The following TIAM2 variants were observed in gnomAD, a reference collection of about 807,000 sequenced individuals.
The protein encoded by TIAM2 is rho guanine nucleotide exchange factor TIAM2.
Under a neutral mutation model 152.9 loss-of-function variants are expected in TIAM2, and 80 were observed. The observed-to-expected ratio is 0.52, with a 90% CI of 0.44 to 0.63. The LOEUF (loss-of-function observed/expected upper bound fraction) is 0.63. Among genes scored for constraint, TIAM2 ranks in the 30% least tolerant of loss-of-function variants. The pLI is 0.00. For synonymous variants in TIAM2, 804 were observed against 838.0 expected (o/e 0.96, Z 0.70); for missense variants, 1,965 against 2,120.1 (o/e 0.93, Z 1.44).
chr6:155,138,498 C>G (rs1336786726), intron 5 of TIAM2, among the ~76,000 whole-genome samples: 1 of 151,108 alleles, frequency 6.6e-6, no homozygotes, highest in East Asian at 2.0e-4. Flanking sequence ...AGGTTTGTTA[C>G]ATAGGTATAT....
intron 1 of TIAM2, among the ~76,000 whole-genome samples, chr6:155,021,833 G>A (rs980770396): frequency 1.2e-4 from 18 of 152,124 alleles, no homozygotes; most frequent in East Asian, 1.9e-4. Flanking sequence ...CATGTGAGAC[G>A]CAGTCTGGTC....
chr6:155,075,932 T>G (rs1777947294), intron 1 of TIAM2, among the ~76,000 whole-genome samples: 2 of 152,152 alleles, frequency 1.3e-5, no homozygotes, highest in African/African-American at 4.8e-5. Context: ...ATCAATACAC[T>G]GAAAAAATAA....
At chr6:155,222,472 G>A (rs891086921) in intron 15 of TIAM2, among the ~76,000 whole-genome samples, 1 of 151,772 alleles carries the variant, frequency 6.6e-6, no homozygotes, top group African/African-American at 2.4e-5. Flanking sequence ...ATTGTGGCTC[G>A]TTCCTGTAAT....
intron 1 of TIAM2, among the ~76,000 whole-genome samples, chr6:155,062,462 T>A (rs1777604743): frequency 6.6e-6 from 1 of 152,110 alleles, no homozygotes; most frequent in Admixed American, 6.6e-5. Context: ...CATCTGTTGC[T>A]CCATATCCTC....
rs1338340094 is a variant in TIAM2 at position 155,214,892 on chromosome 6, C to T, written c.3168+3585C>T. 5.9e-5 allele frequency among the ~76,000 whole-genome samples: 9 copies of T among 152,274 alleles called. No homozygotes were observed. The highest frequency in any genetic ancestry group is 3.3e-4 in the Admixed American group (5 of 15,308). ...CTGGGCTCAAGAGATCCTACTGCCC[C>T]GGCCTCCTGAAGTACTGGAATTACA... On this transcript the variant is annotated intron_variant, in intron 15 of 26. Transcript: ENST00000682666. This position sits in a 1 kb window ranked among gnomAD's most constrained non-coding sequence, Gnocchi z 5.4.
chr6:155,227,118 A>C (rs767479067), intron 15 of TIAM2, among the ~76,000 whole-genome samples: 5 of 152,232 alleles, frequency 3.3e-5, no homozygotes, highest in Non-Finnish European at 5.9e-5. Flanking sequence ...AAGTGAAAAG[A>C]TACTTGGACC....
At chr6:155,005,332 GT>G (rs1485347914) in intron 1 of TIAM2, 1 of 177,878 alleles carries the variant, frequency 5.6e-6, no homozygotes, top group Non-Finnish European at 1.2e-5. Context: ...TTTTGTTTTT[GT>G]TTTTGTTTTT....
At chr6:155,061,599 A>C (rs1777580553) in intron 1 of TIAM2, among the ~76,000 whole-genome samples, 1 of 152,170 alleles carries the variant, frequency 6.6e-6, no homozygotes, top group African/African-American at 2.4e-5. Context: ...TGATGCAATA[A>C]ATTTACCGTC....
chr6:155,094,427 A>C (rs1428411978), intron 2 of TIAM2, among the ~76,000 whole-genome samples: 1 of 152,226 alleles, frequency 6.6e-6, no homozygotes, highest in Non-Finnish European at 1.5e-5. Flanking sequence ...TTCAAGAAAA[A>C]AATAGAAGAG....
At chr6:155,029,672 TACAG>T (rs1776782304) in intron 1 of TIAM2, among the ~76,000 whole-genome samples, 1 of 132,412 alleles carries the variant, frequency 7.6e-6, no homozygotes, top group African/African-American at 2.8e-5. Flanking sequence ...TATAACTATA[TACAG>T]AGTTATATAA....
intron 15 of TIAM2, among the ~76,000 whole-genome samples, chr6:155,229,236 C>A (rs1431449300): frequency 6.6e-6 from 1 of 152,200 alleles, no homozygotes; most frequent in African/African-American, 2.4e-5. Flanking sequence ...CAGAGCCTGG[C>A]AGACAGGAGG....
chr6:155,064,995 T>C (rs1026978), intron 1 of TIAM2, among the ~76,000 whole-genome samples: 62,805 of 151,808 alleles, frequency 0.41, 13,261 homozygotes, highest in Middle Eastern at 0.49. Flanking sequence ...TGCTTTTGTC[T>C]CCCAGGCTGG....
intron 15 of TIAM2, among the ~76,000 whole-genome samples, chr6:155,231,538 G>A (rs911324626): frequency 1.3e-5 from 2 of 152,170 alleles, no homozygotes; most frequent in Non-Finnish European, 2.9e-5. Flanking sequence ...AGGGGCTGAC[G>A]TGCTGCCCTT....
At chr6:154,997,123 C>T (rs1368004992) in intron 1 of TIAM2, among the ~76,000 whole-genome samples, 1 of 152,188 alleles carries the variant, frequency 6.6e-6, no homozygotes, top group Non-Finnish European at 1.5e-5. Flanking sequence ...CACCAAGCTA[C>T]TCAGAAGTTG....
rs779505366 is a variant in TIAM2, at chr6:155,248,028, T to C, written c.3681T>C (p.Phe1227=). The C allele has an allele frequency of 4.3e-6, 7 of 1,614,204 alleles. No homozygotes were observed. The highest frequency in any genetic ancestry group is 4.5e-5 in the East Asian group (2 of 44,888). Residue 1227 remains phenylalanine (F), a synonymous_variant, in exon 20 of 27, where the codon TTT becomes TTC. Transcript: ENST00000682666. The part of the protein sequence containing the change: ...RAKTDKAFKA[F]LDARNPTKQH... ...AAACTGACAAAGCCTTCAAGGCTTT[T>C]CTGGACGCCCGGAACCCCACCAAGC...
chr6:155,068,609 C>A (rs6933812), intron 1 of TIAM2, among the ~76,000 whole-genome samples: 31,846 of 150,290 alleles, frequency 0.21, 5,350 homozygotes, highest in African/African-American at 0.45. Flanking sequence ...CCCGCCCCCC[C>A]ATCACGTCTG....
At chr6:155,232,253 C>T (rs1393874122) in intron 15 of TIAM2, among the ~76,000 whole-genome samples, 2 of 150,130 alleles carry the variant, frequency 1.3e-5, no homozygotes, top group African/African-American at 4.9e-5. Flanking sequence ...AAAAGTCCTT[C>T]GTGCAATTTT....
intron 1 of TIAM2, among the ~76,000 whole-genome samples, chr6:155,004,090 T>C (rs942518516): frequency 6.6e-6 from 1 of 152,254 alleles, no homozygotes; most frequent in Non-Finnish European, 1.5e-5. Context: ...TTGGCCAGGC[T>C]GTCCTGAACT....
At chr6:155,146,768 A>ATTTTTT (rs373361803) in intron 6 of TIAM2, among the ~76,000 whole-genome samples, 6 of 135,894 alleles carry the variant, frequency 4.4e-5, no homozygotes, top group African/African-American at 8.4e-5. Flanking sequence ...TGCCTGGCTA[A>ATTTTTT]TTTTTTTTTT....
Sources: allele counts gnomAD v4.1 joint callset (sites outside exome capture counted in the v4.1 genomes callset), GRCh38; gene constraint gnomAD v4.1.1; non-coding constraint Gnocchi (gnomAD v3.1); transcripts MANE v1.5; gene names NCBI Gene and HGNC (gene_info 2026-07-23, HGNC 2026-07-21).